The following MAPK10 variants were observed in gnomAD, a reference collection of about 807,000 sequenced individuals.
The protein encoded by MAPK10 is mitogen-activated protein kinase 10.
In MAPK10, 25 loss-of-function variants were observed where a neutral mutation model predicts 59.3. The ratio of observed to expected loss-of-function variants is 0.42; its 90% CI spans 0.31 to 0.59. The LOEUF (loss-of-function observed/expected upper bound fraction) is 0.59, where lower values mean the gene tolerates loss of function less well. Ranked by LOEUF, MAPK10 falls within the 20% of genes least tolerant of loss-of-function variation. MAPK10 has a pLI of 0.15. For missense variants in MAPK10, 351 were observed against 568.9 expected (o/e 0.62, Z 3.90); for synonymous variants, 190 against 200.5 (o/e 0.95, Z 0.44).
At chr4:86,589,539 G>A (rs946058356) in intron 1 of MAPK10, among the ~76,000 whole-genome samples, 22 of 151,934 alleles carry the variant, frequency 1.4e-4, no homozygotes, top group Non-Finnish European at 2.1e-4. Flanking sequence ...AAAATTAGCC[G>A]GGCGTGGTGG....
At chr4:86,152,184 G>T (rs1478181805) in intron 4 of MAPK10, 1 of 152,084 alleles carries the variant, frequency 6.6e-6, no homozygotes, top group African/African-American at 2.4e-5. Context: ...AATATATTTG[G>T]GGTTGCATCT....
intron 4 of MAPK10, among the ~76,000 whole-genome samples, chr4:86,154,716 A>G (rs1429450759): frequency 6.6e-6 from 1 of 152,128 alleles, no homozygotes; most frequent in African/African-American, 2.4e-5. Flanking sequence ...TGAAAGACTG[A>G]AAGTTAAAAG....
At chr4:86,449,695 C>T (rs1750466613) in intron 1 of MAPK10, among the ~76,000 whole-genome samples, 1 of 152,152 alleles carries the variant, frequency 6.6e-6, no homozygotes, top group African/African-American at 2.4e-5. Context: ...ATGTGGCAAA[C>T]ATAGTAGGAT....
At chr4:86,478,708 C>G (rs1753327741) in intron 1 of MAPK10, among the ~76,000 whole-genome samples, 1 of 152,136 alleles carries the variant, frequency 6.6e-6, no homozygotes, top group Non-Finnish European at 1.5e-5. Context: ...TCTGATCCAC[C>G]TGACATTCAC....
chr4:86,354,719 C>T (rs1257356285), intron 1 of MAPK10, 75 bp from the exon 2 acceptor site: 1 of 519,368 alleles, frequency 1.9e-6, no homozygotes, highest in African/African-American at 2.0e-5. Context: ...AAAAAGCTGA[C>T]ATCAAAGACA....
intron 3 of MAPK10, among the ~76,000 whole-genome samples, chr4:86,174,898 A>G (rs1291321883): frequency 6.6e-6 from 1 of 152,134 alleles, no homozygotes; most frequent in African/African-American, 2.4e-5. Context: ...TCCTGACCTC[A>G]TGGAGCTTAA....
chr4:86,430,635 T>C (rs1747915647), intron 1 of MAPK10, among the ~76,000 whole-genome samples: 1 of 152,148 alleles, frequency 6.6e-6, no homozygotes, highest in African/African-American at 2.4e-5. Context: ...AAATTGTCTC[T>C]ACAAAAGCGC....
rs1046082597 is a variant in MAPK10, at chr4:86,034,360, C to T, written c.1111-2929G>A. Among the ~76,000 whole-genome samples, 14 of 152,112 alleles carry T rather than the reference C, an allele frequency of 9.2e-5. 1 individual carries two copies. Among genetic ancestry groups the T allele is most frequent in the African/African-American group, 2.9e-4 (12 of 41,490 alleles). Reference sequence around the variant, plus strand: ...AAACAATAACTTAAAATGGATTAGACACATTTTTATTGATGGTTAATTTCA... The same window carrying T: ...AAACAATAACTTAAAATGGATTAGATACATTTTTATTGATGGTTAATTTCA... On this transcript the variant is annotated intron_variant, in intron 11 of 13. Coordinates refer to ENST00000641462, the MANE Select transcript of MAPK10 (RefSeq NM_138982.4).
intron 1 of MAPK10, among the ~76,000 whole-genome samples, chr4:86,555,446 C>CA (rs890463696): frequency 6.6e-6 from 1 of 151,166 alleles, no homozygotes; most frequent in Non-Finnish European, 1.5e-5. Flanking sequence ...GACTCCATCT[C>CA]AAAAAAAAGG....
chr4:86,277,987 T>A (rs2094645592), intron 2 of MAPK10, among the ~76,000 whole-genome samples: 1 of 152,066 alleles, frequency 6.6e-6, no homozygotes, highest in Admixed American at 6.6e-5. Context: ...AAGTATAACA[T>A]CATGATGTTT....
chr4:86,496,895 C>T (rs1324182159), intron 1 of MAPK10, among the ~76,000 whole-genome samples: 1 of 152,156 alleles, frequency 6.6e-6, no homozygotes, highest in African/African-American at 2.4e-5. Context: ...TCCAGTTCTG[C>T]CTCCCATCCT....
intron 1 of MAPK10, among the ~76,000 whole-genome samples, chr4:86,475,906 A>C (rs1364921929): frequency 6.6e-6 from 1 of 152,016 alleles, no homozygotes; most frequent in East Asian, 1.9e-4. Context: ...CACCTGACCT[A>C]AACCTAAACG....
intron 4 of MAPK10, among the ~76,000 whole-genome samples, chr4:86,156,256 C>T (rs2067740300): frequency 1.3e-5 from 2 of 151,876 alleles, no homozygotes; most frequent in African/African-American, 4.8e-5. Context: ...AATTAAATGC[C>T]ATCCTCTAGC....
chr4:86,201,474 C>G (rs1208544378), intron 2 of MAPK10, among the ~76,000 whole-genome samples: 7 of 151,768 alleles, frequency 4.6e-5, no homozygotes, highest in Non-Finnish European at 8.8e-5. Flanking sequence ...ATTTATTTAT[C>G]TTCCTTGGTG....
At chr4:86,377,955 T>C (rs1041185266) in intron 1 of MAPK10, among the ~76,000 whole-genome samples, 7 of 152,102 alleles carry the variant, frequency 4.6e-5, no homozygotes, top group African/African-American at 1.7e-4. Flanking sequence ...GCTGATTAGA[T>C]TGTGCCCACC....
At chr4:86,141,909 G>C (rs4693756) in intron 4 of MAPK10, among the ~76,000 whole-genome samples, 1 of 152,116 alleles carries the variant, frequency 6.6e-6, no homozygotes, top group Non-Finnish European at 1.5e-5. Flanking sequence ...TTGTGGCAAG[G>C]GCTTTTGTGC....
intron 4 of MAPK10, among the ~76,000 whole-genome samples, chr4:86,137,051 T>A (rs2062357602): frequency 6.6e-6 from 1 of 151,352 alleles, no homozygotes; most frequent in African/African-American, 2.4e-5. Context: ...CTGAGTGACC[T>A]ACAAAGAGAC....
chr4:86,514,265 C>T (rs1247573899), intron 1 of MAPK10, among the ~76,000 whole-genome samples: 2 of 152,174 alleles, frequency 1.3e-5, no homozygotes, highest in African/African-American at 4.8e-5. Flanking sequence ...CAACCCTACA[C>T]ACAAAAAATA....
intron 1 of MAPK10, among the ~76,000 whole-genome samples, chr4:86,541,212 G>A (rs1338926611): frequency 1.3e-5 from 2 of 152,172 alleles, no homozygotes; most frequent in African/African-American, 4.8e-5. Flanking sequence ...GGGCAGGGGA[G>A]ACATAGCAGA....
Sources: gnomAD v4.1 joint callset for allele counts (sites outside exome capture counted in the v4.1 genomes callset) on GRCh38, gnomAD v4.1.1 for gene constraint, MANE v1.5 for transcripts, NCBI Gene and HGNC (gene_info 2026-07-23, HGNC 2026-07-21) for gene names.